Variants in SLC4A4 observed in about 807,000 individuals in gnomAD.
SLC4A4 encodes electrogenic sodium bicarbonate cotransporter 1.
SLC4A4 carries 27 observed loss-of-function variants against 111.5 expected under a neutral mutation model. The ratio of observed to expected loss-of-function variants is 0.24; its 90% CI spans 0.18 to 0.33. SLC4A4 has a LOEUF of 0.33. Among genes scored for constraint, SLC4A4 ranks in the 10% least tolerant of loss-of-function variants. The pLI is 1.00. For missense variants in SLC4A4, 909 were observed against 1,315.5 expected, an observed-to-expected ratio of 0.69 and a Z score of 4.78; for synonymous variants, 443 against 463.4, an observed-to-expected ratio of 0.96 and a Z score of 0.57.
chr4:71,251,057 T>C (rs1721038770), intron 2 of SLC4A4, among the ~76,000 whole-genome samples: 1 of 152,188 alleles, frequency 6.6e-6, no homozygotes, highest in Non-Finnish European at 1.5e-5. Context: ...CACAGCAACA[T>C]GTTTCCCAGG....
At chr4:71,130,467 G>C (rs1372693005) in intron 2 of SLC4A4, among the ~76,000 whole-genome samples, 1 of 151,990 alleles carries the variant, frequency 6.6e-6, no homozygotes, top group East Asian at 1.9e-4. Context: ...TCAACTCCTG[G>C]CTTCAAGCAA....
chr4:71,292,253 T>C (rs1451489821), intron 3 of SLC4A4, among the ~76,000 whole-genome samples: 1 of 152,204 alleles, frequency 6.6e-6, no homozygotes, highest in Admixed American at 6.5e-5. Flanking sequence ...TATAATCACA[T>C]CACAACAAAT....
chr4:71,278,306 A>G (rs1723234456), intron 3 of SLC4A4, among the ~76,000 whole-genome samples: 2 of 152,150 alleles, frequency 1.3e-5, no homozygotes, highest in Admixed American at 1.3e-4. Context: ...ATAATATTCC[A>G]TTGTATATAT....
intron 3 of SLC4A4, among the ~76,000 whole-genome samples, chr4:71,319,057 T>A (rs1726919337): frequency 6.6e-6 from 1 of 151,966 alleles, no homozygotes; most frequent in South Asian, 2.1e-4. Flanking sequence ...GATTGCTGAT[T>A]CTGTTTTGTT....
At chr4:71,235,418 A>G (rs1338731806) in intron 1 of SLC4A4, among the ~76,000 whole-genome samples, 1 of 152,232 alleles carries the variant, frequency 6.6e-6, no homozygotes, top group East Asian at 1.9e-4. Context: ...ATGCCTGAGC[A>G]TATAATTGGA....
intron 17 of SLC4A4, among the ~76,000 whole-genome samples, chr4:71,532,436 A>C (rs1009723148): frequency 1.3e-5 from 2 of 152,118 alleles, no homozygotes; most frequent in African/African-American, 2.4e-5. Flanking sequence ...AATATCCAAA[A>C]TATTTTATAT....
At chr4:71,119,893 T>C (rs1429968581) in intron 2 of SLC4A4, among the ~76,000 whole-genome samples, 3 of 152,254 alleles carry the variant, frequency 2.0e-5, no homozygotes, top group Non-Finnish European at 4.4e-5. Flanking sequence ...TCTTCAGTCA[T>C]GTCTAATCTG....
intron 2 of SLC4A4, among the ~76,000 whole-genome samples, chr4:71,116,285 C>T (rs895606527): frequency 2.6e-5 from 4 of 152,110 alleles, no homozygotes; most frequent in South Asian, 4.1e-4. Context: ...AAATGTACTT[C>T]GTAGCTTATG....
At chr4:71,120,752 C>T (rs906532915) in intron 2 of SLC4A4, among the ~76,000 whole-genome samples, 4 of 152,196 alleles carry the variant, frequency 2.6e-5, no homozygotes, top group African/African-American at 7.2e-5. Flanking sequence ...CCTGTAATCC[C>T]AGTGAGAGGT....
At chr4:71,185,699 G>GATC (rs1477131813), upstream of SLC4A4, among the ~76,000 whole-genome samples, 2 of 152,100 alleles carry the variant, frequency 1.3e-5, no homozygotes, top group Non-Finnish European at 2.9e-5. Flanking sequence ...AGGCACCATG[G>GATC]ATCTCTGGAT....
At chr4:71,517,944 G>T (rs1732559025) in intron 16 of SLC4A4, among the ~76,000 whole-genome samples, 1 of 152,156 alleles carries the variant, frequency 6.6e-6, no homozygotes, top group Admixed American at 6.5e-5. Context: ...GGCAGGCCTG[G>T]GGCCTGGGTC....
intron 8 of SLC4A4, among the ~76,000 whole-genome samples, chr4:71,443,083 ACTCTCTCT>A (rs1180993467): frequency 1.3e-4 from 4 of 31,434 alleles, no homozygotes; most frequent in African/African-American, 3.9e-4. Flanking sequence ...AGAGGCCACT[ACTCTCTCT>A]CTCTCTCTCT....
In SLC4A4 at chr4:71,453,624, T is replaced by C; in HGVS notation, c.1452T>C (p.Ala484=). Residue 484 remains alanine (A), a synonymous_variant, in exon 12 of 26, where the codon GCT becomes GCC. Coordinates refer to ENST00000264485, the MANE Select transcript of SLC4A4 (RefSeq NM_001098484.3). ...TTTATCTGGCAACTGTAACTAATGC[T>C]ATCACTTTTGGAGGACTGCTTGGGG... ...LFIYLATVTN[A]ITFGGLLGDA... is the part of the protein sequence containing the mutation. 1.2e-6 allele frequency: 2 copies of C among 1,613,974 alleles called. No individual in the cohort carries two copies. The highest frequency in any genetic ancestry group is 1.7e-6 in the Non-Finnish European group (2 of 1,179,898).
chr4:71,239,499 A>T (rs1720044219), intron 2 of SLC4A4, among the ~76,000 whole-genome samples: 1 of 152,128 alleles, frequency 6.6e-6, no homozygotes, highest in African/African-American at 2.4e-5. Context: ...AGAGACTTCA[A>T]ACCACGCCCT....
At chr4:71,403,942 CTTAATG>C (rs1223836891) in intron 7 of SLC4A4, among the ~76,000 whole-genome samples, 5 of 152,150 alleles carry the variant, frequency 3.3e-5, no homozygotes, top group African/African-American at 1.2e-4. Flanking sequence ...GAGCCCATTT[CTTAATG>C]TGTTAGCCAT....
chr4:71,186,507 A>G (rs1057381112), upstream of SLC4A4, among the ~76,000 whole-genome samples: 3 of 152,136 alleles, frequency 2.0e-5, no homozygotes, highest in Non-Finnish European at 4.4e-5. Flanking sequence ...GTGAGAGAAA[A>G]GGAACCTGGG....
chr4:71,441,651 G>A (rs1344605231), intron 8 of SLC4A4, among the ~76,000 whole-genome samples: 3 of 152,110 alleles, frequency 2.0e-5, no homozygotes, highest in Admixed American at 6.5e-5. Context: ...GACGGTCTGA[G>A]CATGATTAAC....
chr4:71,130,861 G>T (rs981615977), intron 2 of SLC4A4, among the ~76,000 whole-genome samples: 1 of 152,188 alleles, frequency 6.6e-6, no homozygotes, highest in Non-Finnish European at 1.5e-5. Context: ...GCTGAGGGGA[G>T]ATATCTTTGT....
chr4:71,286,075 AAAAAAATAC>A (rs1233310798), intron 3 of SLC4A4, among the ~76,000 whole-genome samples: 2 of 152,018 alleles, frequency 1.3e-5, no homozygotes, highest in Admixed American at 1.3e-4. Flanking sequence ...CGTCTCTACT[AAAAAAATAC>A]AAAAAATTAG....
Sources: gnomAD v4.1 joint callset for allele counts (sites outside exome capture counted in the v4.1 genomes callset) on GRCh38, gnomAD v4.1.1 for gene constraint, MANE v1.5 for transcripts, NCBI Gene and HGNC (gene_info 2026-07-23, HGNC 2026-07-21) for gene names.